The following SH3GL1 variants were observed in gnomAD, a reference collection of about 807,000 sequenced individuals.
SH3GL1 encodes SH3 domain containing GRB2 like 1, endophilin A2, also known as endophilin-A2.
Under a neutral mutation model 48.8 loss-of-function variants are expected in SH3GL1, and 21 were observed. The ratio of observed to expected loss-of-function variants is 0.43; its 90% confidence interval spans 0.30 to 0.62. The LOEUF is 0.62. SH3GL1 is among the 20% of genes least tolerant of loss of function. The probability of loss-of-function intolerance (pLI) is 0.11; values close to 1 mark genes in which losing one functional copy is unlikely to be tolerated. For synonymous variants in SH3GL1, 282 were observed against 217.5 expected, an observed-to-expected ratio of 1.30 and a Z score of -2.61; for missense variants, 454 against 503.0, an observed-to-expected ratio of 0.90 and a Z score of 0.93.
chr19:4,383,934 C>T (rs1412871016), intron 1 of SH3GL1, among the ~76,000 whole-genome samples: 1 of 152,204 alleles, frequency 6.6e-6, no homozygotes, highest in African/African-American at 2.4e-5. Context: ...CGGCTAGGAA[C>T]ATATGCGATG....
intron 6 of SH3GL1, 104 bp from the exon 7 acceptor site, chr19:4,363,577 C>A: frequency 2.1e-6 from 3 of 1,450,452 alleles, no homozygotes; most frequent in Non-Finnish European, 2.9e-6. Context: ...TGAGAGGGGA[C>A]AGGGGACTGG....
At chr19:4,370,136 G>A (rs556409372) in intron 1 of SH3GL1, among the ~76,000 whole-genome samples, 10 of 152,366 alleles carry the variant, frequency 6.6e-5, no homozygotes, top group South Asian at 2.1e-4. Context: ...TGTCAGGAGC[G>A]AGTGTTCCTA....
Position 4,366,912 on chromosome 19 carries a change from A to G in SH3GL1, c.114+14T>C, listed in dbSNP as rs777207311. The G allele has an allele frequency of 1.2e-6, 2 of 1,613,096 alleles. No individual in the cohort carries two copies. Among genetic ancestry groups the G allele is most frequent in the South Asian group, 1.1e-5 (1 of 91,056 alleles). On this transcript the variant is annotated intron_variant, in intron 2 of 9. Transcript: ENST00000269886. ...AGTGCCACCACCACACAGAGCACGC[A>G]GTTTCTTCCTCACCTTCTCCATCTC...
At position 4,389,898 on chromosome 19, in the gene SH3GL1, C is replaced by G. The variant is rs967386103; in HGVS notation, c.45+10426G>C. On this transcript the variant is annotated intron_variant, in intron 1 of 9. Transcript: ENST00000269886. This position sits in a 1 kb window ranked among gnomAD's most constrained non-coding sequence, Gnocchi z 4.5. ...CACTTGGGGGCCAGGGCAGAGGAGACGCATGTTCCCGGCCCAGGGAGGGGA... is the reference window on the plus strand; with the variant it reads ...CACTTGGGGGCCAGGGCAGAGGAGAGGCATGTTCCCGGCCCAGGGAGGGGA... 6.6e-6 allele frequency among the ~76,000 whole-genome samples: 1 copy of G among 152,234 alleles called. No homozygotes were observed. Among genetic ancestry groups the G allele is most frequent in the Non-Finnish European group, 1.5e-5 (1 of 68,026 alleles).
intron 7 of SH3GL1, 44 bp from the exon 8 acceptor site, chr19:4,362,780 C>G (rs767545248): frequency 1.9e-6 from 3 of 1,611,690 alleles, no homozygotes; most frequent in Admixed American, 3.3e-5. Context: ...GTGTCACGGC[C>G]GAGGCAGCCC....
chr19:4,366,052 G>A (rs749204535), intron 3 of SH3GL1, among the ~76,000 whole-genome samples: 7 of 152,170 alleles, frequency 4.6e-5, no homozygotes, highest in Non-Finnish European at 7.4e-5. Context: ...CTGGGTGTGC[G>A]TCTGCCCCCT....
At chr19:4,390,687 G>A (rs370031913) in intron 1 of SH3GL1, 1 of 152,144 alleles carries the variant, frequency 6.6e-6, no homozygotes, top group East Asian at 1.9e-4. Context: ...ATTAGAGTTG[G>A]AGAGCTCAGG....
chr19:4,369,466 G>A (rs1972852631), intron 1 of SH3GL1, among the ~76,000 whole-genome samples: 1 of 152,244 alleles, frequency 6.6e-6, no homozygotes, highest in Admixed American at 6.5e-5. Flanking sequence ...AGGACCCAGT[G>A]TGCAGGCTGG....
At position 4,363,677 on chromosome 19, in the gene SH3GL1, A is replaced by C. The variant is rs200561336; in HGVS notation, c.624+43T>G. On this transcript the variant is annotated intron_variant, in intron 6 of 9. Transcript: ENST00000269886. ...CTTGAGGCACCACCCCGGCCTCCCA[A>C]GGGCATAGGTCTTCTCAGGATGTGA... The C allele has an allele frequency of 2.2e-4, 359 of 1,610,818 alleles. 1 individual carries two copies. In the African/African-American group the frequency reaches 4.4e-3, roughly 20 times the overall value.
At chr19:4,378,258 G>T (rs901244206) in intron 1 of SH3GL1, among the ~76,000 whole-genome samples, 3 of 152,176 alleles carry the variant, frequency 2.0e-5, no homozygotes, top group African/African-American at 7.2e-5. Flanking sequence ...GTAACGCCAC[G>T]AGGCAAGCAG....
At chr19:4,397,821 C>A (rs570131259) in intron 1 of SH3GL1, among the ~76,000 whole-genome samples, 2 of 152,240 alleles carry the variant, frequency 1.3e-5, no homozygotes, top group South Asian at 4.1e-4. Flanking sequence ...GTATCTATAT[C>A]CCTAAACAAC....
At position 4,361,790 on chromosome 19, in the gene SH3GL1, AG is replaced by A; in HGVS notation, c.916del (p.Leu306TrpfsTer30). 2 of 1,607,076 alleles carry A rather than the reference AG, an allele frequency of 1.2e-6. No individual in the cohort carries two copies. On this transcript the variant is annotated frameshift_variant, in exon 10 of 10. Coordinates refer to ENST00000269886, the MANE Select transcript of SH3GL1 (RefSeq NM_003025.4). LOFTEE classifies it high-confidence loss of function. ...IRTPSRSMPP[L>X]DQPSCKALYD... ...CAGCGCCTTGCAGCTCGGCTGGTCC[AG>A]GGGCGCTGGGGGCGGGAGCGGGCTG...
At chr19:4,394,370 C>T (rs1973389804) in intron 1 of SH3GL1, among the ~76,000 whole-genome samples, 1 of 152,144 alleles carries the variant, frequency 6.6e-6, no homozygotes, top group Admixed American at 6.5e-5. Context: ...TGCCAGGAGG[C>T]TCTTGAGGGA....
chr19:4,373,402 G>C (rs768117577), intron 1 of SH3GL1, among the ~76,000 whole-genome samples: 7 of 152,222 alleles, frequency 4.6e-5, no homozygotes, highest in Non-Finnish European at 7.4e-5. Flanking sequence ...CCTCTCAGTA[G>C]AGATCTCCCC....
At chr19:4,366,678 C>A (rs1972788048) in intron 2 of SH3GL1, 105 bp from the exon 3 acceptor site, 2 of 1,062,512 alleles carry the variant, frequency 1.9e-6, no homozygotes, top group Admixed American at 1.9e-5. Flanking sequence ...CATACCAGGA[C>A]CCCCCAACCC....
intron 6 of SH3GL1, 81 bp from the exon 7 acceptor site, chr19:4,363,554 G>A (rs981026489): frequency 6.8e-7 from 1 of 1,479,534 alleles, no homozygotes; most frequent in African/African-American, 1.5e-5. Flanking sequence ...GAAGCCACAG[G>A]AGGCAAGGGG....
intron 1 of SH3GL1, among the ~76,000 whole-genome samples, chr19:4,388,921 T>C (rs1973284706): frequency 6.6e-6 from 1 of 152,196 alleles, no homozygotes; most frequent in African/African-American, 2.4e-5. Flanking sequence ...AGACACTCTC[T>C]GAGCTGTTGA....
At chr19:4,374,114 A>G (rs1193285067) in intron 1 of SH3GL1, among the ~76,000 whole-genome samples, 1 of 152,148 alleles carries the variant, frequency 6.6e-6, no homozygotes, top group Non-Finnish European at 1.5e-5. Flanking sequence ...AATGAGGGGG[A>G]GAAAAAAACT....
At chr19:4,381,862 T>C (rs1568417132) in intron 1 of SH3GL1, among the ~76,000 whole-genome samples, 1 of 151,246 alleles carries the variant, frequency 6.6e-6, no homozygotes, top group African/African-American at 2.4e-5. Context: ...CCCGCTAATT[T>C]TTTGTATTTT....
Sources: allele counts gnomAD v4.1 joint callset (sites outside exome capture counted in the v4.1 genomes callset), GRCh38; gene constraint gnomAD v4.1.1; non-coding constraint Gnocchi (gnomAD v3.1); transcripts MANE v1.5; gene names NCBI Gene and HGNC (gene_info 2026-07-23, HGNC 2026-07-21).